SLC36A2: variants seen among roughly 807,000 people sequenced by gnomAD.
The protein encoded by SLC36A2 is solute carrier family 36 member 2.
SLC36A2 carries 39 observed loss-of-function variants against 42.7 expected under a neutral mutation model. The ratio of observed to expected loss-of-function variants is 0.91; its 90% CI spans 0.71 to 1.19. The LOEUF (loss-of-function observed/expected upper bound fraction) is 1.19, where lower values mean the gene tolerates loss of function less well. Among genes scored for constraint, SLC36A2 ranks in the 50% most tolerant of loss-of-function variants. The pLI, the probability that SLC36A2 is intolerant of heterozygous loss-of-function variation, is 0.00. For missense variants in SLC36A2, 590 were observed against 613.7 expected (o/e 0.96, Z 0.41); for synonymous variants, 237 against 240.8 (o/e 0.98, Z 0.15).
rs768372175 is a variant in SLC36A2, at chr5:151,317,003, G to A, written c.1266C>T (p.Ile422=). 4.3e-6 allele frequency: 7 copies of A among 1,613,946 alleles called. No homozygotes were observed. The Admixed American group carries it at 6.7e-5, about 15-fold the overall frequency. The change falls in exon 10 of 10, where the codon ATC becomes ATT. Residue 422 remains isoleucine (I), a synonymous_variant. Coordinates refer to ENST00000335244, the MANE Select transcript of SLC36A2 (RefSeq NM_181776.3). The part of the protein sequence containing the change: ...SVSGTALALI[I]PPLLEVTTFY... The stretch of plus-strand genomic sequence containing the variant: ...ACGTGGTGACCTCCAGGAGCGGTGG[G>A]ATGATGAGGGCCAGGGCGGTGCCAC...
chr5:151,335,258 C>G, intron 6 of SLC36A2, 71 bp downstream of exon 6: 2 of 1,244,130 alleles, frequency 1.6e-6, no homozygotes, highest in Non-Finnish European at 2.3e-6. Flanking sequence ...CTCCAGGTAT[C>G]TAAAGCTCAG....
intron 7 of SLC36A2, among the ~76,000 whole-genome samples, chr5:151,327,752 TTCTCTCTC>T (rs149600041): frequency 1.3e-5 from 2 of 151,100 alleles, no homozygotes; most frequent in Admixed American, 6.6e-5. Context: ...CTTCCTTTCT[TTCTCTCTC>T]TCTCTCTCTC....
intron 5 of SLC36A2, chr5:151,338,753 GA>G: frequency 3.7e-6 from 1 of 267,284 alleles, no homozygotes; most frequent in Admixed American, 4.7e-5. Flanking sequence ...ATCAATTTTA[GA>G]AGCGTTAAGT....
chr5:151,337,495 CA>C (rs1363444587), intron 5 of SLC36A2, among the ~76,000 whole-genome samples: 5 of 152,150 alleles, frequency 3.3e-5, no homozygotes, highest in African/African-American at 1.2e-4. Flanking sequence ...CTCCTTGATA[CA>C]GTGTTTGCCT....
At chr5:151,341,150 T>C (rs1468517726) in intron 4 of SLC36A2, among the ~76,000 whole-genome samples, 8 of 151,994 alleles carry the variant, frequency 5.3e-5, no homozygotes. Flanking sequence ...GGAATTCCAG[T>C]TATAGGAGAG....
chr5:151,341,440 A>C (rs375146969), intron 4 of SLC36A2, among the ~76,000 whole-genome samples: 3 of 152,318 alleles, frequency 2.0e-5, no homozygotes, highest in African/African-American at 7.2e-5. Context: ...TGAGTACTGC[A>C]GCAGTTTAGG....
Position 151,316,864 on chromosome 5 carries a change from AC to A in SLC36A2, c.1404del (p.Lys468AsnfsTer30). 1 of 1,613,836 alleles carries A rather than the reference AC, an allele frequency of 6.2e-7. No homozygotes were observed. ...GTYQALDELL[K>X]SEDSHPFSNS... ...TTGGAAAAGGGGTGAGAGTCTTCTG[AC>A]TTGAGCAGCTCGTCCAGGGCCTGGT... On this transcript the variant is annotated frameshift_variant, in exon 10 of 10. Coordinates refer to ENST00000335244, the MANE Select transcript of SLC36A2 (RefSeq NM_181776.3). LOFTEE classifies it low-confidence loss of function (END_TRUNC).
chr5:151,323,784 A>T (rs989316497), intron 8 of SLC36A2, among the ~76,000 whole-genome samples: 3 of 152,164 alleles, frequency 2.0e-5, no homozygotes, highest in African/African-American at 7.2e-5. Flanking sequence ...CCGGATCAGG[A>T]GCCGGCGAAG....
At chr5:151,331,995 T>C (rs1364440412) in intron 7 of SLC36A2, among the ~76,000 whole-genome samples, 1 of 152,130 alleles carries the variant, frequency 6.6e-6, no homozygotes, top group African/African-American at 2.4e-5. Flanking sequence ...GCCTTCTGAG[T>C]ATCTGGGATT....
intron 4 of SLC36A2, among the ~76,000 whole-genome samples, chr5:151,340,404 G>A (rs1319733273): frequency 1.3e-5 from 2 of 152,182 alleles, no homozygotes; most frequent in Non-Finnish European, 1.5e-5. Context: ...GAGACGTTCG[G>A]GACACAACTG....
intron 9 of SLC36A2, among the ~76,000 whole-genome samples, chr5:151,320,016 C>G (rs1242818703): frequency 4.6e-5 from 7 of 152,034 alleles, no homozygotes; most frequent in African/African-American, 1.7e-4. Flanking sequence ...GGGTATATGT[C>G]ATGTTTTCCC....
Position 151,333,384 on chromosome 5 carries a change from A to G in SLC36A2, c.745-62T>C. On this transcript the variant is annotated intron_variant, in intron 6 of 9. Transcript: ENST00000335244. ...TAAAGCACATTTGAGCTCCTTTAAG[A>G]GAAGGGTACTCTGAAATGAGACCTG... 3 of 1,386,394 alleles carry G rather than the reference A, an allele frequency of 2.2e-6. 1 individual carries two copies. The highest frequency in any genetic ancestry group is 1.2e-5 in the South Asian group (1 of 86,248). 85.9% of individuals were successfully genotyped at this position (1,386,394 alleles called of 1,614,324 possible).
At chr5:151,322,288 T>C in intron 8 of SLC36A2, 73 bp from the exon 9 acceptor site, 1 of 1,553,504 alleles carries the variant, frequency 6.4e-7, no homozygotes, top group Non-Finnish European at 8.8e-7. Context: ...AACATTAACC[T>C]CTGACCTTGG....
At chr5:151,322,361 A>G (rs1755720236) in intron 8 of SLC36A2, 146 bp from the exon 9 acceptor site, 1 of 919,808 alleles carries the variant, frequency 1.1e-6, no homozygotes, top group Non-Finnish European at 1.7e-6. Flanking sequence ...TCTAAGAATC[A>G]AGAGGGAGTC....
intron 9 of SLC36A2, among the ~76,000 whole-genome samples, chr5:151,320,462 G>A (rs1483963755): frequency 1.3e-5 from 2 of 151,850 alleles, no homozygotes; most frequent in South Asian, 2.1e-4. Context: ...TGGTTTCTAC[G>A]TACAGTGGAA....
chr5:151,339,335 A>G (rs948289848), intron 4 of SLC36A2, among the ~76,000 whole-genome samples, 191 bp from the exon 5 acceptor site: 1 of 146,628 alleles, frequency 6.8e-6, no homozygotes, highest in Non-Finnish European at 1.5e-5. Context: ...TTTTTTTTAG[A>G]AGGAGTTTTG....
In SLC36A2 at chr5:151,344,164, G is replaced by A. The variant is rs1309072077; in HGVS notation, c.255+13C>T. On this transcript the variant is annotated intron_variant, in intron 2 of 9. Transcript: ENST00000335244. ...ACTGACCATAAAGCCCCCACATGTG[G>A]CGCCTCTCTTACCAGGATGCCCGCG... 2 of 1,612,944 alleles carry A rather than the reference G, an allele frequency of 1.2e-6. No individual in the cohort carries two copies. The highest frequency in any genetic ancestry group is 1.7e-5 in the Admixed American group (1 of 59,930).
At chr5:151,319,471 C>A in intron 9 of SLC36A2, 1 of 155,146 alleles carries the variant, frequency 6.4e-6, no homozygotes, top group South Asian at 1.8e-4. Context: ...AAGATGCAGC[C>A]ACTGAGAAGG....
rs530135652 is a variant in SLC36A2 at position 151,346,519 on chromosome 5, T to C, written c.164+778A>G. 1.4e-3 allele frequency among the ~76,000 whole-genome samples: 219 copies of C among 152,264 alleles called. 1 individual carries two copies. The highest frequency in any genetic ancestry group is 4.9e-3 in the African/African-American group (204 of 41,542). ...GAAGGAGCAGAGAAACCACTTGAACTCAGGCCTTCTGATTCTCTGTCCAGT... is the reference window on the plus strand; with the variant it reads ...GAAGGAGCAGAGAAACCACTTGAACCCAGGCCTTCTGATTCTCTGTCCAGT... On this transcript the variant is annotated intron_variant, in intron 1 of 9. Coordinates refer to ENST00000335244, the MANE Select transcript of SLC36A2 (RefSeq NM_181776.3).
Sources: allele counts gnomAD v4.1 joint callset (sites outside exome capture counted in the v4.1 genomes callset), GRCh38; gene constraint gnomAD v4.1.1; transcripts MANE v1.5; gene names NCBI Gene and HGNC (gene_info 2026-07-23, HGNC 2026-07-21).